Variants in CLEC18A observed in about 807,000 individuals in gnomAD.
CLEC18A encodes C-type lectin domain family 18 member A.
Under a neutral mutation model 24.0 loss-of-function variants are expected in CLEC18A, and 5 were observed. The observed-to-expected ratio is 0.21, with a 90% confidence interval of 0.11 to 0.44. The LOEUF (loss-of-function observed/expected upper bound fraction) is 0.44, where lower values mean the gene tolerates loss of function less well. Ranked by LOEUF, CLEC18A falls within the 20% of genes least tolerant of loss-of-function variation. The pLI, the probability that CLEC18A is intolerant of heterozygous loss-of-function variation, is 0.99. For missense variants in CLEC18A, 83 were observed against 233.4 expected (o/e 0.36, Z 4.20); for synonymous variants, 29 against 100.1 (o/e 0.29, Z 4.24).
upstream of CLEC18A, chr16:69,951,040 G>T: frequency 2.6e-6 from 1 of 377,600 alleles, no homozygotes; most frequent in South Asian, 2.4e-5. Context: ...AATCAGCGGG[G>T]TCTCTGGGGG....
chr16:69,955,275 T>A (rs1420512385), intron 3 of CLEC18A, among the ~76,000 whole-genome samples: 1 of 151,960 alleles, frequency 6.6e-6, no homozygotes, highest in Non-Finnish European at 1.5e-5. Flanking sequence ...AGTGCTGGGA[T>A]TACAGGCGTG....
chr16:69,965,420 C>T (rs539100162), downstream of CLEC18A, among the ~76,000 whole-genome samples: 1 of 152,036 alleles, frequency 6.6e-6, no homozygotes, highest in African/African-American at 2.4e-5. Context: ...GGGCCACGGC[C>T]GCAGCGCCCG....
chr16:69,944,728 C>G, the CLEC18A span, among the ~76,000 whole-genome samples: 2 of 134,196 alleles, frequency 1.5e-5, no homozygotes, highest in African/African-American at 6.0e-5. Flanking sequence ...CCCGGCTACT[C>G]GGGAAGCTGA....
chr16:69,954,132 A>C (rs942254027), intron 2 of CLEC18A, among the ~76,000 whole-genome samples: 1 of 141,658 alleles, frequency 7.1e-6, no homozygotes, highest in African/African-American at 2.6e-5. Context: ...ATGGAGGCTC[A>C]GTCGTGAGAG....
At chr16:69,946,844 G>T, upstream of CLEC18A, among the ~76,000 whole-genome samples, 1 of 86,014 alleles carries the variant, frequency 1.2e-5, no homozygotes, top group African/African-American at 6.7e-5. Context: ...ACATTCCTTC[G>T]GATTTTCTAC....
chr16:69,954,557 G>A lies in CLEC18A; in HGVS notation c.440G>A (p.Cys147Tyr). The A allele has an allele frequency of 1.9e-6, 3 of 1,611,310 alleles. No individual in the cohort carries two copies. The highest frequency in any genetic ancestry group is 2.5e-6 in the Non-Finnish European group (3 of 1,178,710). Residue 147 changes from cysteine (C) to tyrosine (Y), a missense_variant, in exon 3 of 12, where the codon TGC becomes TAC. Coordinates refer to ENST00000288040, the MANE Select transcript of CLEC18A (RefSeq NM_001370523.4). ...GGAGAGTGTGCTCGCAACGCCACCT[G>A]CACCCACTACACGCAGGTGAGTGTG... ...AAGECARNAT[C>Y]THYTQLVWAT...
downstream of CLEC18A, among the ~76,000 whole-genome samples, chr16:69,965,233 C>T (rs920291617): frequency 6.6e-6 from 1 of 151,896 alleles, no homozygotes; most frequent in African/African-American, 2.4e-5. Context: ...CTCTACCTCC[C>T]GCGAAGGCGC....
the CLEC18A span, among the ~76,000 whole-genome samples, chr16:69,943,554 T>C: frequency 1.3e-5 from 2 of 152,240 alleles, no homozygotes; most frequent in African/African-American, 4.8e-5. Context: ...ATAGTACTTG[T>C]CGTTTCGTGA....
the CLEC18A span, among the ~76,000 whole-genome samples, chr16:69,944,930 C>T: frequency 7.4e-6 from 1 of 135,272 alleles, no homozygotes; most frequent in South Asian, 2.5e-4. Context: ...CGCTTGAGCC[C>T]AGGAGTTTTA....
chr16:69,954,585 G>A lies in CLEC18A; in HGVS notation c.456+12G>A. On this transcript the variant is annotated intron_variant, in intron 3 of 11. Coordinates refer to ENST00000288040, the MANE Select transcript of CLEC18A (RefSeq NM_001370523.4). ...CCCACTACACGCAGGTGAGTGTGCTGCAGGTGAGGCCAGTGTGCCAGCTCC... is the reference window on the plus strand; with the variant it reads ...CCCACTACACGCAGGTGAGTGTGCTACAGGTGAGGCCAGTGTGCCAGCTCC... 1 of 1,609,412 alleles carries A rather than the reference G, an allele frequency of 6.2e-7. No homozygotes were observed. Among genetic ancestry groups the A allele is most frequent in the Non-Finnish European group, 8.5e-7 (1 of 1,177,818 alleles).
intron 2 of CLEC18A, chr16:69,953,423 C>T (rs1026533390): frequency 6.0e-5 from 9 of 151,232 alleles, no homozygotes; most frequent in African/African-American, 1.9e-4. Context: ...CTGCAGGCAC[C>T]TCCCTGCTCC....
chr16:69,948,298 T>C (rs1325058779), upstream of CLEC18A, among the ~76,000 whole-genome samples: 1 of 107,212 alleles, frequency 9.3e-6, no homozygotes, highest in Non-Finnish European at 1.9e-5. Flanking sequence ...ATTATAGGTG[T>C]GAGTGAGCTA....
the CLEC18A span, among the ~76,000 whole-genome samples, chr16:69,944,521 C>G: frequency 6.6e-6 from 1 of 151,882 alleles, no homozygotes; most frequent in African/African-American, 2.4e-5. Context: ...GCCTGGGCAA[C>G]AGAGTGAGAC....
At chr16:69,954,786 C>T (rs555991976) in intron 3 of CLEC18A, among the ~76,000 whole-genome samples, 20 of 152,076 alleles carry the variant, frequency 1.3e-4, no homozygotes, top group Non-Finnish European at 2.5e-4. Flanking sequence ...CAACCTCCGC[C>T]TCCTGGGCTC....
At chr16:69,946,345 T>A (rs2152007996), upstream of CLEC18A, among the ~76,000 whole-genome samples, 1 of 143,848 alleles carries the variant, frequency 7.0e-6, no homozygotes, top group South Asian at 2.2e-4. Context: ...TTTTTTTAGA[T>A]CTTTAGTTTC....
upstream of CLEC18A, among the ~76,000 whole-genome samples, chr16:69,947,379 G>A (rs1334662469): frequency 1.5e-5 from 2 of 137,384 alleles, no homozygotes; most frequent in African/African-American, 5.2e-5. Context: ...TCTAAATACA[G>A]TGACACGGAG....
At chr16:69,954,653 T>C in intron 3 of CLEC18A, 80 bp downstream of exon 3, 3 of 1,571,464 alleles carry the variant, frequency 1.9e-6, no homozygotes, top group Non-Finnish European at 2.6e-6. Flanking sequence ...GAGGCTACAG[T>C]TTGTCCTAAA....
chr16:69,946,334 A>AT (rs1334128882), upstream of CLEC18A, among the ~76,000 whole-genome samples: 13 of 140,452 alleles, frequency 9.3e-5, no homozygotes, highest in Admixed American at 6.7e-4. Flanking sequence ...ATGTCTATGC[A>AT]TTTTTTTAGA....
chr16:69,965,397 C>A (rs74637212), downstream of CLEC18A, among the ~76,000 whole-genome samples: 34,036 of 151,092 alleles, frequency 0.23, 4,046 homozygotes, highest in South Asian at 0.39. Context: ...ACCCGGGACC[C>A]GCCCCTTGTC....
Sources: gnomAD v4.1 joint callset for allele counts (sites outside exome capture counted in the v4.1 genomes callset) on GRCh38, gnomAD v4.1.1 for gene constraint, MANE v1.5 for transcripts, NCBI Gene and HGNC (gene_info 2026-07-23, HGNC 2026-07-21) for gene names.